GLIS3: variants seen among roughly 807,000 people sequenced by gnomAD.
The protein encoded by GLIS3 is zinc finger protein GLIS3.
Under a neutral mutation model 78.6 loss-of-function variants are expected in GLIS3, and 53 were observed. The ratio of observed to expected loss-of-function variants is 0.67; its 90% CI spans 0.54 to 0.85. The LOEUF is 0.85. GLIS3 is among the 40% of genes least tolerant of loss of function. The pLI, the probability that GLIS3 is intolerant of heterozygous loss-of-function variation, is 0.00. For synonymous variants in GLIS3, 684 were observed against 509.9 expected, an observed-to-expected ratio of 1.34 and a Z score of -4.60; for missense variants, 1,703 against 1,231.1, an observed-to-expected ratio of 1.38 and a Z score of -5.74.
intron 2 of GLIS3, among the ~76,000 whole-genome samples, chr9:4,261,900 C>T (rs892823219): frequency 6.6e-6 from 1 of 152,184 alleles, no homozygotes; most frequent in Non-Finnish European, 1.5e-5. Context: ...TAGCACATCG[C>T]AACTAGTGTA....
intron 9 of GLIS3, 85 bp from the exon 10 acceptor site, chr9:3,829,577 G>C: frequency 7.0e-7 from 1 of 1,429,076 alleles, no homozygotes; most frequent in East Asian, 2.3e-5. Context: ...ACCTCACTCA[G>C]CCTGGCTTCC....
intron 3 of GLIS3, among the ~76,000 whole-genome samples, chr9:4,120,595 C>G (rs1275088673): frequency 6.6e-6 from 1 of 152,196 alleles, no homozygotes; most frequent in Non-Finnish European, 1.5e-5. Flanking sequence ...GGTCTCTTCC[C>G]CAGCAAGATC....
intron 4 of GLIS3, among the ~76,000 whole-genome samples, chr9:3,959,827 C>G (rs1588318199): frequency 1.3e-5 from 2 of 152,284 alleles, no homozygotes; most frequent in East Asian, 3.9e-4. Flanking sequence ...AGGGTGGATC[C>G]TAATCCAATA....
intron 6 of GLIS3, among the ~76,000 whole-genome samples, chr9:3,915,460 C>T (rs1487399704): frequency 6.6e-6 from 1 of 152,090 alleles, no homozygotes; most frequent in East Asian, 1.9e-4. Context: ...AGAAACAAGA[C>T]CGGGTCAAGA....
At chr9:4,187,131 C>G (rs1563720924) in intron 2 of GLIS3, among the ~76,000 whole-genome samples, 1 of 152,132 alleles carries the variant, frequency 6.6e-6, no homozygotes, top group African/African-American at 2.4e-5. Flanking sequence ...GCTTTTAGGT[C>G]TAACGTTTAA....
At chr9:4,054,236 G>T in intron 4 of GLIS3, 2 of 652,440 alleles carry the variant, frequency 3.1e-6, no homozygotes, top group Non-Finnish European at 3.8e-6. Flanking sequence ...CTCTGTGAGG[G>T]CAGAGATCTC....
At chr9:3,941,893 C>A (rs143859250) in intron 4 of GLIS3, among the ~76,000 whole-genome samples, 29 of 152,198 alleles carry the variant, frequency 1.9e-4, no homozygotes, top group Non-Finnish European at 3.8e-4. Context: ...CTGTAATCAC[C>A]ATCTACATAT....
chr9:4,213,160 T>C (rs181406752), intron 2 of GLIS3, among the ~76,000 whole-genome samples: 7 of 152,254 alleles, frequency 4.6e-5, no homozygotes, highest in African/African-American at 1.7e-4. Flanking sequence ...AGGTAAAACA[T>C]CTCTTATTCT....
intron 8 of GLIS3, chr9:3,878,576 C>G (rs1821485244): frequency 6.6e-6 from 1 of 152,052 alleles, no homozygotes; most frequent in Non-Finnish European, 1.5e-5. Flanking sequence ...CCTATTCAAC[C>G]CATTATTTTG....
At chr9:4,209,387 G>T (rs576071562) in intron 2 of GLIS3, among the ~76,000 whole-genome samples, 3 of 152,210 alleles carry the variant, frequency 2.0e-5, no homozygotes. Flanking sequence ...TCATGGGTGT[G>T]GACCAGAGAA....
rs55968061 is a variant in GLIS3, at chr9:3,903,175, C to T, written c.1984-4340G>A. ...ACCATTAAGCCCAGGGCCATAAACG[C>T]GAAGAAATTCTTAAATTTCCTATAT... On this transcript the variant is annotated intron_variant, in intron 6 of 10. Transcript: ENST00000381971. Among the ~76,000 whole-genome samples, 521 of 152,256 alleles carry T rather than the reference C, an allele frequency of 3.4e-3. 1 individual carries two copies. The highest frequency in any genetic ancestry group is 5.4e-3 in the Non-Finnish European group (367 of 68,020).
At chr9:4,078,543 G>T (rs980402976) in intron 4 of GLIS3, among the ~76,000 whole-genome samples, 2 of 152,216 alleles carry the variant, frequency 1.3e-5, no homozygotes, top group African/African-American at 2.4e-5. Flanking sequence ...ACCACAGGCT[G>T]CCTGGTATTT....
intron 9 of GLIS3, among the ~76,000 whole-genome samples, chr9:3,832,581 A>C (rs1818111913): frequency 6.6e-6 from 1 of 152,178 alleles, no homozygotes; most frequent in Non-Finnish European, 1.5e-5. Context: ...TGGAATGTGG[A>C]GATGTATAGT....
intron 4 of GLIS3, among the ~76,000 whole-genome samples, chr9:4,053,903 C>T (rs1028245768): frequency 6.6e-6 from 1 of 152,070 alleles, no homozygotes; most frequent in South Asian, 2.1e-4. Context: ...TGTTTTTGTT[C>T]CTGAGGTAAA....
chr9:3,921,410 T>A (rs1429578182), intron 6 of GLIS3, among the ~76,000 whole-genome samples: 1 of 152,176 alleles, frequency 6.6e-6, no homozygotes, highest in Non-Finnish European at 1.5e-5. Flanking sequence ...GCTAAGTAAT[T>A]TCTCCCAGAG....
Position 4,311,279 on chromosome 9 carries a change from C to T in GLIS3, n.265-751G>A, listed in dbSNP as rs566598803. 1.1e-4 allele frequency among the ~76,000 whole-genome samples: 16 copies of T among 152,212 alleles called. No individual in the cohort carries two copies. The East Asian group carries it at 1.2e-3, about 11-fold the overall frequency. On this transcript the variant is annotated intron_variant and non_coding_transcript_variant, in intron 2 of 4. Coordinates refer to the GLIS3 transcript ENST00000471664. ...CAAAAATTATCCGGGCGTGGTGGCA[C>T]ATGCCTGTAATCCCAGCAACTTGGG...
chr9:4,285,349 T>C (rs778271138), intron 2 of GLIS3, among the ~76,000 whole-genome samples: 12 of 152,178 alleles, frequency 7.9e-5, no homozygotes, highest in Non-Finnish European at 1.5e-4. Flanking sequence ...ATTTAAAATA[T>C]ATGGTAATTA....
chr9:4,483,501 C>T, the GLIS3 span, among the ~76,000 whole-genome samples: 6 of 152,096 alleles, frequency 3.9e-5, no homozygotes, highest in East Asian at 1.9e-4. Context: ...GGGCAGATCA[C>T]GAGGTCAGGA....
At chr9:4,108,660 C>CTGT (rs1486218841) in intron 4 of GLIS3, among the ~76,000 whole-genome samples, 1 of 152,150 alleles carries the variant, frequency 6.6e-6, no homozygotes, top group East Asian at 1.9e-4. Context: ...TCACCAAAAA[C>CTGT]ACAAGCAACA....
Sources: allele counts gnomAD v4.1 joint callset (sites outside exome capture counted in the v4.1 genomes callset), GRCh38; gene constraint gnomAD v4.1.1; transcripts MANE v1.5; gene names NCBI Gene and HGNC (gene_info 2026-07-23, HGNC 2026-07-21).